The following COL6A2 variants were observed in gnomAD, a reference collection of about 807,000 sequenced individuals.
The protein encoded by COL6A2 is collagen alpha-2(VI) chain.
In COL6A2, 90 loss-of-function variants were observed where a neutral mutation model predicts 124.9. The observed-to-expected ratio is 0.72, with a 90% CI of 0.61 to 0.86. The LOEUF (loss-of-function observed/expected upper bound fraction) is 0.86, where lower values mean the gene tolerates loss of function less well. Ranked by LOEUF, COL6A2 falls within the 40% of genes least tolerant of loss-of-function variation. The pLI is 0.00. For missense variants in COL6A2, 1,607 were observed against 1,502.5 expected (o/e 1.07, Z -1.15); for synonymous variants, 793 against 618.2 (o/e 1.28, Z -4.19).
Position 46,132,847 on chromosome 21 carries a change from C to T in COL6A2, c.*295C>T, listed in dbSNP as rs1199163101. ...CCTGACCCAATAAAGGCTTTGAACC[C>T]ATTGCGTGCCTGCTTGCGAGCTTCT... On this transcript the variant is annotated 3_prime_UTR_variant, in exon 28 of 28. Transcript: ENST00000300527. 1.2e-5 allele frequency: 6 copies of T among 496,674 alleles called. No homozygotes were observed. The highest frequency in any genetic ancestry group is 7.0e-5 in the East Asian group (2 of 28,444). 30.8% of individuals were successfully genotyped at this position (496,674 alleles called of 1,614,324 possible). A position where few individuals can be genotyped will look rare whatever the true frequency, so the allele number is the denominator to read the frequency against.
At position 46,120,541 on chromosome 21, in the gene COL6A2, C is replaced by T. The variant is rs750842859; in HGVS notation, c.1359C>T (p.Arg453=). 28 of 1,478,232 alleles carry T rather than the reference C, an allele frequency of 1.9e-5. No individual in the cohort carries two copies. In the Admixed American group the frequency reaches 2.4e-4, roughly 13 times the overall value. 91.6% of individuals were successfully genotyped at this position (1,478,232 alleles called of 1,614,324 possible). A position where few individuals can be genotyped will look rare whatever the true frequency, so the allele number is the denominator to read the frequency against. Residue 453 remains arginine, a synonymous_variant, in exon 16 of 28, where the codon CGC becomes CGT. Coordinates refer to ENST00000300527, the MANE Select transcript of COL6A2 (RefSeq NM_001849.4). ...EKGDPGPEGP[R]GLAGEVGNKG... is the part of the protein sequence containing the mutation. ...GGGACCCTGGCCCTGAGGGGCCCCG[C>T]GGCCTGGCTGGAGAGGTTGGCAACA...
chr21:46,122,311 G>A (rs1047763593), intron 19 of COL6A2, among the ~76,000 whole-genome samples, 153 bp downstream of exon 19: 2 of 152,156 alleles, frequency 1.3e-5, no homozygotes, highest in African/African-American at 4.8e-5. Context: ...GGCTTCGGGT[G>A]ACTCAGTGAA....
intron 1 of COL6A2, among the ~76,000 whole-genome samples, chr21:46,098,422 G>A (rs1414802868): frequency 6.7e-6 from 1 of 148,230 alleles, no homozygotes; most frequent in African/African-American, 2.5e-5. Flanking sequence ...ACCTCCCCGC[G>A]GCCTCCTCTG....
At chr21:46,125,007 C>T (rs1033397478) in intron 23 of COL6A2, 87 bp downstream of exon 23, 7 of 1,516,474 alleles carry the variant, frequency 4.6e-6, no homozygotes, top group African/African-American at 2.7e-5. Context: ...GGTCAGCTGG[C>T]ACGGTCAGAG....
At chr21:46,125,156 C>G in intron 23 of COL6A2, 110 bp from the exon 24 acceptor site, 1 of 1,154,364 alleles carries the variant, frequency 8.7e-7, no homozygotes, top group Admixed American at 1.7e-5. Flanking sequence ...CCCCGCATGG[C>G]TGCCTCCACA....
rs1173643636 is a variant in COL6A2 at position 46,124,202 on chromosome 21, GTGGGTGGCTGGGTGGATGGATGATGGA to G, written c.1672-442_1672-416del. ...GATGGGTGGATGAATGGATGGGTTA[GTGGGTGGCTGGGTGGATGGATGATGGA>G]TGGGTGACTGGGTGGATGGATGGAT... On this transcript the variant is annotated intron_variant, in intron 21 of 27. Transcript: ENST00000300527. 1.7e-4 allele frequency among the ~76,000 whole-genome samples: 26 copies of G among 150,254 alleles called. No individual in the cohort carries two copies. The East Asian group carries it at 3.7e-3, about 21-fold the overall frequency.
chr21:46,124,764 A>ACC, intron 22 of COL6A2, 51 bp downstream of exon 22: 1 of 1,605,190 alleles, frequency 6.2e-7, no homozygotes, highest in South Asian at 1.1e-5. Flanking sequence ...CCAGGCCAAC[A>ACC]CACACCCAAG....
At chr21:46,131,337 G>C (rs1436010185) in intron 27 of COL6A2, among the ~76,000 whole-genome samples, 8 of 152,232 alleles carry the variant, frequency 5.3e-5, no homozygotes, top group Admixed American at 1.3e-4. Context: ...ACCCAGGCAG[G>C]TGGGGGCCCC....
rs372362480 is a variant in COL6A2 at position 46,119,644 on chromosome 21, G to C, written c.1270-144G>C. 3.9e-3 allele frequency: 2,779 copies of C among 704,046 alleles called. 51 individuals carry two copies. Among genetic ancestry groups the C allele is most frequent in the South Asian group, 0.026 (1,439 of 56,110 alleles). 43.6% of individuals were successfully genotyped at this position (704,046 alleles called of 1,614,324 possible). ...TGGCGCAGGCTGAGGCTGTTGGGAA[G>C]GAGCCTGGGGATCGAGGTCCCAGGT... On this transcript the variant is annotated intron_variant, in intron 14 of 27. Coordinates refer to ENST00000300527, the MANE Select transcript of COL6A2 (RefSeq NM_001849.4).
In COL6A2 at chr21:46,125,453, C is replaced by T. The variant is rs1275208375; in HGVS notation, c.1817-12C>T. ...TCCCCGGTACCCCCCGATGACCCTG[C>T]CACCCCCCCAGACTGTGAGAAGCGC... On this transcript the variant is annotated splice_polypyrimidine_tract_variant and intron_variant, in intron 24 of 27. Coordinates refer to ENST00000300527, the MANE Select transcript of COL6A2 (RefSeq NM_001849.4). 5.0e-6 allele frequency: 8 copies of T among 1,609,030 alleles called. No individual in the cohort carries two copies. The Admixed American group carries it at 8.4e-5, about 17-fold the overall frequency.
Position 46,099,493 on chromosome 21 carries a change from G to A in COL6A2, c.-28+1320G>A, listed in dbSNP as rs555628427. On this transcript the variant is annotated intron_variant, in intron 1 of 27. Transcript: ENST00000300527. ...AAAAAAAAAAAAAAAGGAAAGAAAG[G>A]CCCGGTGAGATGCTTTCTCTTAAAC... Among the ~76,000 whole-genome samples the A allele has an allele frequency of 3.3e-5, 5 of 149,276 alleles. No homozygotes were observed. The East Asian group carries it at 7.8e-4, about 23-fold the overall frequency.
chr21:46,106,917 A>G (rs970552576), intron 1 of COL6A2, among the ~76,000 whole-genome samples: 2 of 152,194 alleles, frequency 1.3e-5, no homozygotes, highest in African/African-American at 4.8e-5. Flanking sequence ...CCTATCTACA[A>G]AAATGCAAAA....
intron 1 of COL6A2, among the ~76,000 whole-genome samples, chr21:46,108,628 T>G (rs2078361247): frequency 1.3e-5 from 2 of 152,234 alleles, no homozygotes; most frequent in African/African-American, 4.8e-5. Flanking sequence ...CAGGGATCTA[T>G]TGAAGCAATT....
intron 5 of COL6A2, among the ~76,000 whole-genome samples, chr21:46,115,024 G>GA (rs1192732181): frequency 6.6e-6 from 1 of 152,260 alleles, no homozygotes; most frequent in Non-Finnish European, 1.5e-5. Context: ...TCTCGAGGCT[G>GA]CAGGTCAAAT....
chr21:46,115,731 A>C, intron 5 of COL6A2, 141 bp from the exon 6 acceptor site: 2 of 769,002 alleles, frequency 2.6e-6, no homozygotes, highest in Admixed American at 4.0e-5. Context: ...TTTGGGGAGC[A>C]GCTGACACCA....
chr21:46,123,540 T>G (rs962875093), intron 21 of COL6A2, among the ~76,000 whole-genome samples: 1 of 149,360 alleles, frequency 6.7e-6, no homozygotes, highest in Non-Finnish European at 1.5e-5. Context: ...GGTGGGCAAA[T>G]GGATGGATGG....
At chr21:46,100,242 T>C (rs567512810) in intron 1 of COL6A2, among the ~76,000 whole-genome samples, 1 of 152,246 alleles carries the variant, frequency 6.6e-6, no homozygotes, top group South Asian at 2.1e-4. Flanking sequence ...ACTACAGGCA[T>C]GCACCACTGT....
intron 1 of COL6A2, among the ~76,000 whole-genome samples, chr21:46,103,536 T>C (rs562384340): frequency 6.6e-6 from 1 of 152,338 alleles, no homozygotes; most frequent in Non-Finnish European, 1.5e-5. Context: ...AATATAAGCA[T>C]GTATAGCCAT....
At chr21:46,120,315 A>AC (rs2078543721) in intron 15 of COL6A2, among the ~76,000 whole-genome samples, 200 bp from the exon 16 acceptor site, 2 of 152,014 alleles carry the variant, frequency 1.3e-5, no homozygotes, top group Admixed American at 6.5e-5. Flanking sequence ...GGACCGAGAG[A>AC]CACCGTGCTC....
Sources: gnomAD v4.1 joint callset for allele counts (sites outside exome capture counted in the v4.1 genomes callset) on GRCh38, gnomAD v4.1.1 for gene constraint, MANE v1.5 for transcripts, NCBI Gene and HGNC (gene_info 2026-07-23, HGNC 2026-07-21) for gene names.